The following JAG2 variants were observed in gnomAD, a reference collection of about 807,000 sequenced individuals.
The protein encoded by JAG2 is jagged canonical Notch ligand 2, also known as protein jagged-2.
A neutral mutation model predicts 141.7 loss-of-function variants in JAG2; 46 were observed. The observed-to-expected ratio is 0.32, with a 90% confidence interval of 0.26 to 0.42. JAG2 has a LOEUF of 0.42. Ranked by LOEUF, JAG2 falls within the 10% of genes least tolerant of loss-of-function variation. JAG2 has a pLI of 1.00. For missense variants in JAG2, 1,500 were observed against 1,817.5 expected (o/e 0.83, Z 3.18); for synonymous variants, 862 against 763.5 (o/e 1.13, Z -2.13).
chr14:105,151,454 C>T, intron 8 of JAG2, 58 bp from the exon 9 acceptor site: 8 of 1,519,612 alleles, frequency 5.3e-6, no homozygotes, highest in Non-Finnish European at 7.2e-6. Context: ...AATAAGGTCC[C>T]CATGGGCAGG....
Position 105,144,920 on chromosome 14 carries a change from G to A in JAG2, c.3084+10C>T. On this transcript the variant is annotated intron_variant, in intron 24 of 25. Coordinates refer to ENST00000331782, the MANE Select transcript of JAG2 (RefSeq NM_002226.5). ...GCCCACCCAGGTGCTGCTCCCCACT[G>A]GGCACTCACCACGGCCACCTCCACA... The A allele has an allele frequency of 1.3e-6, 2 of 1,597,976 alleles. No homozygotes were observed. The highest frequency in any genetic ancestry group is 1.7e-6 in the Non-Finnish European group (2 of 1,176,248).
chr14:105,148,626 CT>C, intron 15 of JAG2, 118 bp downstream of exon 15: 1 of 1,021,114 alleles, frequency 9.8e-7, no homozygotes, highest in Admixed American at 2.1e-5. Flanking sequence ...GCAGCACCCC[CT>C]GGCCAGGCCT....
intron 5 of JAG2, among the ~76,000 whole-genome samples, chr14:105,155,015 A>G (rs1888538591): frequency 4.9e-5 from 1 of 20,474 alleles, no homozygotes; most frequent in Non-Finnish European, 9.4e-5. Flanking sequence ...CCACCCCCAC[A>G]TGCCCCACAG....
At chr14:105,159,706 TGCTCCATCCACACCCCCCCAGA>T (rs1479748279) in intron 2 of JAG2, among the ~76,000 whole-genome samples, 4 of 50,806 alleles carry the variant, frequency 7.9e-5, no homozygotes, top group Admixed American at 3.0e-4. Context: ...CCCCGCAACA[TGCTCCATCCACACCCCCCCAGA>T]GCTCCATCCA....
intron 5 of JAG2, among the ~76,000 whole-genome samples, chr14:105,153,483 C>T (rs1382810550): frequency 6.6e-6 from 1 of 152,242 alleles, no homozygotes; most frequent in Non-Finnish European, 1.5e-5. Context: ...CCTCGTGGGT[C>T]CCAAGGGCGT....
Position 105,168,417 on chromosome 14 carries a change from G to T in JAG2, c.4C>A (p.Arg2=). The change falls in exon 1 of 26, where the codon CGG becomes AGG. Residue 2 remains arginine, a synonymous_variant. Transcript: ENST00000331782. M[R]AQGRGRLPRR... ...GGAAGGCGCCCCCGGCCCTGCGCCC[G>T]CATTGCCCCCGCGACCCGCCCGCCC... is the stretch of plus-strand genomic sequence containing the variant. 2.1e-6 allele frequency: 2 copies of T among 930,614 alleles called. No individual in the cohort carries two copies. The highest frequency in any genetic ancestry group is 2.6e-6 in the Non-Finnish European group (2 of 774,858). The allele number at this position is 930,614 out of a possible 1,614,324, so 57.6% of individuals were successfully genotyped here. A position where few individuals can be genotyped will look rare whatever the true frequency, so the allele number is the denominator to read the frequency against.
Position 105,142,001 on chromosome 14 carries a change from T to C in JAG2, c.*694A>G, listed in dbSNP as rs1398695899. 2 of 152,730 alleles carry C rather than the reference T, an allele frequency of 1.3e-5. No individual in the cohort carries two copies. The highest frequency in any genetic ancestry group is 6.5e-5 in the Admixed American group (1 of 15,290). The allele number at this position is 152,730 out of a possible 1,614,324, so 9.5% of individuals were successfully genotyped here. A position where few individuals can be genotyped will look rare whatever the true frequency, so the allele number is the denominator to read the frequency against. ...GGAGAGATCGCTGGAGCGGGCGTTC[T>C]GGGCAGGAGGAAGCACAGACGGCAG... is the stretch of plus-strand genomic sequence containing the variant. On this transcript the variant is annotated 3_prime_UTR_variant, in exon 26 of 26. Coordinates refer to ENST00000331782, the MANE Select transcript of JAG2 (RefSeq NM_002226.5).
At position 105,150,853 on chromosome 14, in the gene JAG2, GC is replaced by G; in HGVS notation, c.1428+11del. The G allele has an allele frequency of 6.3e-7, 1 of 1,575,982 alleles. No homozygotes were observed. ...AGCACCCACGCCACACACCCTCCTG[GC>G]CCCGCCTCACCTTGCAGGTGCCCCC... is the stretch of plus-strand genomic sequence containing the variant. On this transcript the variant is annotated intron_variant, in intron 11 of 25. Coordinates refer to ENST00000331782, the MANE Select transcript of JAG2 (RefSeq NM_002226.5).
chr14:105,151,450 GT>G, intron 8 of JAG2, 54 bp from the exon 9 acceptor site: 1 of 1,524,744 alleles, frequency 6.6e-7, no homozygotes, highest in South Asian at 1.1e-5. Flanking sequence ...TGGGAATAAG[GT>G]CCCCATGGGC....
chr14:105,156,478 G>A (rs779284964), intron 3 of JAG2, among the ~76,000 whole-genome samples: 14 of 151,992 alleles, frequency 9.2e-5, no homozygotes, highest in South Asian at 8.3e-4. Context: ...CACCACTACC[G>A]TCCCCACCTT....
chr14:105,145,111 A>C lies in JAG2; in HGVS notation c.2953-50T>G, dbSNP rs368101822. 3 of 1,603,428 alleles carry C rather than the reference A, an allele frequency of 1.9e-6. No individual in the cohort carries two copies. In the African/African-American group the frequency reaches 4.0e-5, roughly 21 times the overall value. Reference sequence around the variant, plus strand: ...GGCAGGGCAGGGCCGTGAACCTGACACCTACATCCCTGGACTGGCGCTGTG... The same window carrying C: ...GGCAGGGCAGGGCCGTGAACCTGACCCCTACATCCCTGGACTGGCGCTGTG... On this transcript the variant is annotated intron_variant, in intron 23 of 25. Transcript: ENST00000331782.
At chr14:105,161,718 T>C (rs768984087) in intron 2 of JAG2, among the ~76,000 whole-genome samples, 1 of 152,096 alleles carries the variant, frequency 6.6e-6, no homozygotes, top group South Asian at 2.1e-4. Context: ...CAGGACTTAT[T>C]TGCCTCTTCT....
At chr14:105,166,423 G>T (rs1185420964) in intron 2 of JAG2, among the ~76,000 whole-genome samples, 2 of 152,258 alleles carry the variant, frequency 1.3e-5, no homozygotes, top group Non-Finnish European at 2.9e-5. Flanking sequence ...GTGGGGGCGA[G>T]GGGCTGGGCT....
At chr14:105,145,653 G>A (rs1219090610) in intron 23 of JAG2, 78 bp downstream of exon 23, 16 of 1,526,498 alleles carry the variant, frequency 1.0e-5, no homozygotes, top group Admixed American at 9.9e-5. Flanking sequence ...CCTGCCCTGC[G>A]GGGCTAGGCT....
chr14:105,157,685 C>T (rs1406647897), intron 3 of JAG2, 21 bp downstream of exon 3: 6 of 1,552,206 alleles, frequency 3.9e-6, no homozygotes, highest in Non-Finnish European at 4.4e-6. Flanking sequence ...GGAGCTGCCA[C>T]CTGGCCCAGG....
intron 7 of JAG2, 95 bp downstream of exon 7, chr14:105,151,843 C>T (rs1888442549): frequency 2.5e-6 from 4 of 1,605,802 alleles, no homozygotes; most frequent in East Asian, 2.2e-5. Flanking sequence ...GTCAGGGGCC[C>T]ACCACACAGG....
rs1888299139 is a variant in JAG2, at chr14:105,148,425, G to A, written c.2035C>T (p.Leu679Phe). ...ELCDTNPNDC[L>F]PDPCHSRGRC... is the part of the protein sequence containing the mutation. ...CCGCGGCTGTGGCAGGGATCGGGAAGGCAGTCGTTGGGATCTGGGGGCGAG... is the reference window on the plus strand; with the variant it reads ...CCGCGGCTGTGGCAGGGATCGGGAAAGCAGTCGTTGGGATCTGGGGGCGAG... The change falls in exon 16 of 26, where the codon CTT (leucine) becomes TTT (phenylalanine). Residue 679 changes from leucine to phenylalanine, a missense_variant. Around this residue, in one of 3 missense-constraint regions of JAG2, gnomAD observed 875 missense variants for 1,202.2 expected, o/e 0.73. Transcript: ENST00000331782. 1 of 1,611,576 alleles carries A rather than the reference G, an allele frequency of 6.2e-7. No homozygotes were observed.
intron 2 of JAG2, among the ~76,000 whole-genome samples, chr14:105,163,543 T>C (rs1464421776): frequency 6.6e-6 from 1 of 151,206 alleles, no homozygotes; most frequent in Non-Finnish European, 1.5e-5. Context: ...GGGATAGGAA[T>C]CCCGCTCAGG....
Position 105,157,717 on chromosome 14 carries a change from G to A in JAG2, c.464C>T (p.Thr155Ile). 2 of 1,568,802 alleles carry A rather than the reference G, an allele frequency of 1.3e-6. No homozygotes were observed. Among genetic ancestry groups the A allele is most frequent in the Non-Finnish European group, 1.7e-6 (2 of 1,158,312 alleles). ...CAGGGCTCACTCACCATTCGGGGTGGTATCGTTGTCCCAGTCCCAGGCCTC... is the reference window on the plus strand; with the variant it reads ...CAGGGCTCACTCACCATTCGGGGTGATATCGTTGTCCCAGTCCCAGGCCTC... ...IVEAWDWDNDTTPNEELLIER... is the reference protein window; with the variant it reads ...IVEAWDWDNDITPNEELLIER... Residue 155 changes from threonine to isoleucine, a missense_variant, in exon 3 of 26, where the codon ACC (threonine) becomes ATC (isoleucine). Physicochemically the swap from Thr to Ile is moderately conservative, Grantham distance 89. This residue lies in a region of JAG2 where 875 missense variants were observed against 1,202.2 expected (regional missense o/e 0.73). Coordinates refer to ENST00000331782, the MANE Select transcript of JAG2 (RefSeq NM_002226.5).
Sources: gnomAD v4.1 joint callset for allele counts (sites outside exome capture counted in the v4.1 genomes callset) on GRCh38, gnomAD v4.1.1 for gene constraint, gnomAD v4.1.1 regional missense constraint, MANE v1.5 for transcripts, NCBI Gene and HGNC (gene_info 2026-07-23, HGNC 2026-07-21) for gene names.